FBXO10: variants seen among roughly 807,000 people sequenced by gnomAD.
FBXO10 encodes F-box protein 10.
FBXO10 carries 39 observed loss-of-function variants against 80.7 expected under a neutral mutation model. The observed-to-expected ratio is 0.48, with a 90% confidence interval of 0.37 to 0.63. The LOEUF (loss-of-function observed/expected upper bound fraction) is 0.63, where lower values mean the gene tolerates loss of function less well. FBXO10 is among the 30% of genes least tolerant of loss of function. The probability of loss-of-function intolerance (pLI) is 0.00; values close to 1 mark genes in which losing one functional copy is unlikely to be tolerated. For synonymous variants in FBXO10, 449 were observed against 489.6 expected, an observed-to-expected ratio of 0.92 and a Z score of 1.09; for missense variants, 1,025 against 1,269.0, an observed-to-expected ratio of 0.81 and a Z score of 2.92.
intron 10 of FBXO10, 100 bp from the exon 11 acceptor site, chr9:37,512,821 A>G: frequency 8.0e-7 from 1 of 1,242,648 alleles, no homozygotes; most frequent in South Asian, 1.5e-5. Context: ...CGGTGGATCC[A>G]GGTGTTTAAA....
intron 2 of FBXO10, among the ~76,000 whole-genome samples, chr9:37,539,359 T>G (rs1588841469): frequency 6.6e-6 from 1 of 152,238 alleles, no homozygotes; most frequent in South Asian, 2.1e-4. Context: ...CGCCTTGGCC[T>G]TTGCATTTTT....
intron 1 of FBXO10, among the ~76,000 whole-genome samples, chr9:37,565,525 T>C (rs10814578): frequency 0.23 from 34,542 of 152,154 alleles, 4,211 homozygotes; most frequent in Admixed American, 0.26. Flanking sequence ...TCCCAGGACC[T>C]AGGAGCTTGT....
At chr9:37,513,323 C>T (rs1233039645) in intron 10 of FBXO10, among the ~76,000 whole-genome samples, 2 of 152,140 alleles carry the variant, frequency 1.3e-5, no homozygotes, top group Non-Finnish European at 2.9e-5. Flanking sequence ...CTTTTCAGCT[C>T]TATGACCACA....
chr9:37,565,195 T>C (rs1822573129), intron 1 of FBXO10, among the ~76,000 whole-genome samples: 1 of 152,148 alleles, frequency 6.6e-6, no homozygotes, highest in Non-Finnish European at 1.5e-5. Flanking sequence ...GATTGTAAGT[T>C]TCCTGAGGCC....
intron 2 of FBXO10, among the ~76,000 whole-genome samples, chr9:37,540,753 T>G (rs1170287821): frequency 6.6e-6 from 1 of 152,192 alleles, no homozygotes; most frequent in Non-Finnish European, 1.5e-5. Flanking sequence ...AGGGTGGGGT[T>G]CATGTGCTGA....
At chr9:37,545,329 G>A (rs1261092411) in intron 1 of FBXO10, among the ~76,000 whole-genome samples, 2 of 151,668 alleles carry the variant, frequency 1.3e-5, no homozygotes, top group African/African-American at 2.4e-5. Flanking sequence ...GGCGCACACC[G>A]CCATGCCCAG....
At chr9:37,557,899 T>A (rs1313671908) in intron 1 of FBXO10, among the ~76,000 whole-genome samples, 3 of 152,248 alleles carry the variant, frequency 2.0e-5, no homozygotes. Flanking sequence ...TATGAAAGTA[T>A]GCTAACCATC....
At position 37,523,248 on chromosome 9, in the gene FBXO10, A is replaced by AT. The variant is rs372000233; in HGVS notation, c.1778-272dup. On this transcript the variant is annotated intron_variant, in intron 6 of 10. Transcript: ENST00000432825. ...CACCCAATGGCCTTGAGGACTGATG[A>AT]TTAAAAATGAACTAGTTTTGGCCAG... 6.2e-4 allele frequency among the ~76,000 whole-genome samples: 94 copies of AT among 152,168 alleles called. No individual in the cohort carries two copies. The East Asian group carries it at 0.017, about 27-fold the overall frequency.
chr9:37,571,292 T>A (rs1365168694), intron 1 of FBXO10, among the ~76,000 whole-genome samples: 1 of 152,178 alleles, frequency 6.6e-6, no homozygotes, highest in Non-Finnish European at 1.5e-5. Context: ...CAGCAAGGGT[T>A]GTAATTTGTC....
chr9:37,558,499 G>A (rs76298846), intron 1 of FBXO10, among the ~76,000 whole-genome samples: 99 of 152,206 alleles, frequency 6.5e-4, no homozygotes, highest in African/African-American at 2.2e-3. Flanking sequence ...TCCCAGATGG[G>A]TTTCCCCCAT....
chr9:37,540,432 C>T (rs907805846), intron 2 of FBXO10, among the ~76,000 whole-genome samples: 9 of 152,138 alleles, frequency 5.9e-5, no homozygotes, highest in African/African-American at 1.9e-4. Context: ...CTGCCTCGGC[C>T]TCCCAAAGTG....
At chr9:37,562,563 G>A (rs1463943600) in intron 1 of FBXO10, among the ~76,000 whole-genome samples, 1 of 152,208 alleles carries the variant, frequency 6.6e-6, no homozygotes, top group East Asian at 1.9e-4. Flanking sequence ...GTAAGCTCCT[G>A]AAGGGCAGAA....
At chr9:37,516,454 A>G (rs2119047226) in intron 9 of FBXO10, among the ~76,000 whole-genome samples, 1 of 152,354 alleles carries the variant, frequency 6.6e-6, no homozygotes, top group East Asian at 1.9e-4. Flanking sequence ...CACAGTGCTC[A>G]GAGGCAAAGC....
chr9:37,531,293 C>T lies in FBXO10; in HGVS notation c.1569+616G>A, dbSNP rs185244227. On this transcript the variant is annotated intron_variant, in intron 4 of 10. Coordinates refer to ENST00000432825, the MANE Select transcript of FBXO10 (RefSeq NM_012166.3). ...CTCTCAGTATACATGTAACAAAATT[C>T]CTCCCATACCCCATAAATCTGTGTA... Among the ~76,000 whole-genome samples, 547 of 152,156 alleles carry T rather than the reference C, an allele frequency of 3.6e-3. 3 individuals are homozygous for T. The highest frequency in any genetic ancestry group is 0.017 in the Middle Eastern group (5 of 294).
At chr9:37,548,558 C>T (rs1822114795) in intron 1 of FBXO10, among the ~76,000 whole-genome samples, 1 of 152,150 alleles carries the variant, frequency 6.6e-6, no homozygotes, top group Admixed American at 6.5e-5. Flanking sequence ...CATCATTTTC[C>T]ACCTAGCTGC....
chr9:37,533,835 G>T (rs560423248), intron 3 of FBXO10, among the ~76,000 whole-genome samples: 6 of 149,756 alleles, frequency 4.0e-5, no homozygotes, highest in Admixed American at 1.3e-4. Context: ...TCACATCTTT[G>T]CACTCCAGCC....
At position 37,537,041 on chromosome 9, in the gene FBXO10, T is replaced by C. The variant is rs1056261485; in HGVS notation, c.1419+69A>G. 8 of 1,173,326 alleles carry C rather than the reference T, an allele frequency of 6.8e-6. No individual in the cohort carries two copies. The Admixed American group carries it at 9.2e-5, about 14-fold the overall frequency. The allele number at this position is 1,173,326 out of a possible 1,614,324, so 72.7% of individuals were successfully genotyped here. ...AGAAAATTATTTTTAAAATGCAAAA[T>C]AGCCCCATCAAACCCTTCCTACATA... is the stretch of plus-strand genomic sequence containing the variant. On this transcript the variant is annotated intron_variant, in intron 3 of 10. Transcript: ENST00000432825.
rs113442012 is a variant in FBXO10, at chr9:37,537,975, G to A, written c.586-32C>T. 1.1e-4 allele frequency: 177 copies of A among 1,575,130 alleles called. 4 individuals carry two copies. The African/African-American group carries it at 1.9e-3, about 17-fold the overall frequency. ...AATGAAAAGAAGAAAACGGCTGTAA[G>A]AGGGATGAGATTGGTTTTGGACTCT... On this transcript the variant is annotated intron_variant, in intron 2 of 10. Coordinates refer to ENST00000432825, the MANE Select transcript of FBXO10 (RefSeq NM_012166.3).
chr9:37,538,009 T>C (rs550739899), intron 2 of FBXO10, 66 bp from the exon 3 acceptor site: 1 of 1,259,496 alleles, frequency 7.9e-7, no homozygotes, highest in East Asian at 2.3e-5. Flanking sequence ...CTAGCTGCCC[T>C]TTAAGGAGGG....
Sources: allele counts gnomAD v4.1 joint callset (sites outside exome capture counted in the v4.1 genomes callset), GRCh38; gene constraint gnomAD v4.1.1; transcripts MANE v1.5; gene names NCBI Gene and HGNC (gene_info 2026-07-23, HGNC 2026-07-21).